The following NTMT1 variants were observed in gnomAD, a reference collection of about 807,000 sequenced individuals.
NTMT1 encodes the protein N-terminal Xaa-Pro-Lys N-methyltransferase 1.
Under a neutral mutation model 17.5 loss-of-function variants are expected in NTMT1, and 8 were observed. The observed-to-expected ratio is 0.46, with a 90% CI of 0.27 to 0.82. NTMT1 has a LOEUF of 0.82. Ranked by LOEUF, NTMT1 falls within the 40% of genes least tolerant of loss-of-function variation. The probability of loss-of-function intolerance (pLI) is 0.15; values close to 1 mark genes in which losing one functional copy is unlikely to be tolerated. For missense variants in NTMT1, 221 were observed against 303.5 expected (o/e 0.73, Z 2.02); for synonymous variants, 128 against 126.8 (o/e 1.01, Z -0.06).
At chr9:129,633,906 T>A in intron 2 of NTMT1, 148 bp from the exon 3 acceptor site, 1 of 814,468 alleles carries the variant, frequency 1.2e-6, no homozygotes, top group South Asian at 1.9e-5. Flanking sequence ...CCGTACAAGC[T>A]GGCAGCCAGC....
At chr9:129,623,793 G>C (rs951595658), upstream of NTMT1, among the ~76,000 whole-genome samples, 1 of 148,184 alleles carries the variant, frequency 6.7e-6, no homozygotes, top group African/African-American at 2.5e-5. Flanking sequence ...CGAAACACCA[G>C]ATTAACTAGA....
chr9:129,613,510 C>T lies in NTMT1; in HGVS notation c.-55+4332C>T, dbSNP rs1165667156. 4.3e-6 allele frequency: 7 copies of T among 1,614,072 alleles called. No homozygotes were observed. The highest frequency in any genetic ancestry group is 4.0e-5 in the African/African-American group (3 of 74,938). ...CCCAGGGTACAGGGCTTTGGGCAAA[C>T]TCTCCAGCCGTTTTCCGACACTCCC... On this transcript the variant is annotated intron_variant, in intron 1 of 3. Coordinates refer to the NTMT1 transcript ENST00000372486. This position sits in a 1 kb window ranked among gnomAD's most constrained non-coding sequence, Gnocchi z 6.2.
chr9:129,615,360 G>T, intron 1 of NTMT1: 1 of 1,061,636 alleles, frequency 9.4e-7, no homozygotes, highest in Non-Finnish European at 1.3e-6. Context: ...ATCCTCTGCA[G>T]GATCACTGAT....
chr9:129,633,000 TGAG>T (rs755061671), intron 2 of NTMT1, 135 bp downstream of exon 2: 47 of 1,021,728 alleles, frequency 4.6e-5, no homozygotes, highest in Non-Finnish European at 6.2e-5. Context: ...CCCAAAGCCT[TGAG>T]GAGCTGGGCT....
In NTMT1 at chr9:129,635,069, C is replaced by G; in HGVS notation, c.416-139C>G. ...TTGGGGTTTAGTAAATCTCTCGGGA[C>G]TGAGAGCCAATGAGGCCATGTGTGC... is the stretch of plus-strand genomic sequence containing the variant. On this transcript the variant is annotated intron_variant, in intron 3 of 3. Transcript: ENST00000372483. 3 of 975,842 alleles carry G rather than the reference C, an allele frequency of 3.1e-6. 1 individual carries two copies. In the South Asian group the frequency reaches 4.7e-5, roughly 15 times the overall value. The allele number at this position is 975,842 out of a possible 1,614,324, so 60.4% of individuals were successfully genotyped here. A position where few individuals can be genotyped will look rare whatever the true frequency, so the allele number is the denominator to read the frequency against.
At position 129,613,686 on chromosome 9, in the gene NTMT1, C is replaced by G. The variant is rs955857765; in HGVS notation, c.-55+4508C>G. 2.0e-6 allele frequency: 3 copies of G among 1,519,186 alleles called. No homozygotes were observed. Among genetic ancestry groups the G allele is most frequent in the Admixed American group, 1.8e-5 (1 of 56,270 alleles). 94.1% of individuals were successfully genotyped at this position (1,519,186 alleles called of 1,614,324 possible). A position where few individuals can be genotyped will look rare whatever the true frequency, so the allele number is the denominator to read the frequency against. ...TTTTCCTCCCTCTGGCAGGCAGGGC[C>G]GGTCAGAGCCCTGTCTCCATGGCAA... On this transcript the variant is annotated intron_variant, in intron 1 of 3. Transcript: ENST00000372486. This position sits in a 1 kb window ranked among gnomAD's most constrained non-coding sequence, Gnocchi z 6.2.
chr9:129,634,442 C>T, intron 3 of NTMT1, 136 bp downstream of exon 3: 1 of 945,226 alleles, frequency 1.1e-6, no homozygotes, highest in Non-Finnish European at 1.5e-6. Flanking sequence ...CCCAGGCCCA[C>T]CCCCACCCCG....
intron 1 of NTMT1, among the ~76,000 whole-genome samples, chr9:129,619,092 A>G (rs1830541534): frequency 6.6e-6 from 1 of 151,936 alleles, no homozygotes; most frequent in Non-Finnish European, 1.5e-5. Flanking sequence ...CACCTGATTC[A>G]TGGGTGGGTG....
At chr9:129,610,072 G>A (rs2118838670) in intron 1 of NTMT1, among the ~76,000 whole-genome samples, 1 of 150,442 alleles carries the variant, frequency 6.6e-6, no homozygotes, top group South Asian at 2.2e-4. Context: ...TGCCGAAAGC[G>A]GCGGGACTGA....
chr9:129,635,138 A>AAGT (rs1415819653), intron 3 of NTMT1, 70 bp from the exon 4 acceptor site: 2 of 1,542,488 alleles, frequency 1.3e-6, no homozygotes, highest in Non-Finnish European at 1.7e-6. Context: ...CGGGGCTGAG[A>AAGT]AGTACATCCC....
At chr9:129,622,350 A>G (rs1830759193), upstream of NTMT1, among the ~76,000 whole-genome samples, 1 of 152,108 alleles carries the variant, frequency 6.6e-6, no homozygotes. Context: ...AAAATTTGCC[A>G]TGCATGGTGT....
In NTMT1 at chr9:129,613,356, G is replaced by A. The variant is rs899175312; in HGVS notation, c.-55+4178G>A. On this transcript the variant is annotated intron_variant, in intron 1 of 3. Coordinates refer to the NTMT1 transcript ENST00000372486. The surrounding 1 kb of genome is among the most constrained non-coding windows in gnomAD (Gnocchi z 6.2). The stretch of plus-strand genomic sequence containing the variant: ...CACACTGGCAACCCGCCTGCTGCTG[G>A]GTGGGGAGGTCTGTAGGCAAGGGGG... The A allele has an allele frequency of 1.3e-6, 2 of 1,578,218 alleles. No individual in the cohort carries two copies. Among genetic ancestry groups the A allele is most frequent in the Non-Finnish European group, 8.6e-7 (1 of 1,160,134 alleles).
chr9:129,635,493 CCA>C lies in NTMT1; in HGVS notation c.*32_*33del. 1 of 1,594,094 alleles carries C rather than the reference CCA, an allele frequency of 6.3e-7. No homozygotes were observed. Among genetic ancestry groups the C allele is most frequent in the Non-Finnish European group, 8.6e-7 (1 of 1,167,844 alleles). On this transcript the variant is annotated 3_prime_UTR_variant, in exon 4 of 4. Transcript: ENST00000372483. Reference sequence around the variant, plus strand: ...GGGGCTGGCAGGAGAAACTGAGGAACCACAGTCCTGGTGGGGGGAGCTGGCAG... The same window carrying C: ...GGGGCTGGCAGGAGAAACTGAGGAACCAGTCCTGGTGGGGGGAGCTGGCAG...
intron 1 of NTMT1, among the ~76,000 whole-genome samples, chr9:129,630,267 G>A (rs1485233786): frequency 6.6e-6 from 1 of 152,182 alleles, no homozygotes; most frequent in Non-Finnish European, 1.5e-5. Flanking sequence ...GCAGCCAGGT[G>A]TTTGAGACCA....
Position 129,634,166 on chromosome 9 carries a change from T to C in NTMT1, c.275T>C (p.Ile92Thr). ...PLFREVDMVD[I>T]TEDFLVQAKT... is the part of the protein sequence containing the mutation. ...TTCAGAGAGGTGGATATGGTCGACATAACGGAGGACTTCCTGGTTCAAGCC... is the reference window on the plus strand; with the variant it reads ...TTCAGAGAGGTGGATATGGTCGACACAACGGAGGACTTCCTGGTTCAAGCC... The change falls in exon 3 of 4, where the codon ATA becomes ACA. Residue 92 changes from isoleucine (I) to threonine (T), a missense_variant. Ile to Thr is a moderately conservative substitution (Grantham distance 89). Coordinates refer to ENST00000372483, the MANE Select transcript of NTMT1 (RefSeq NM_014064.4). 3.1e-6 allele frequency: 5 copies of C among 1,614,118 alleles called. No individual in the cohort carries two copies. Among genetic ancestry groups the C allele is most frequent in the Non-Finnish European group, 4.2e-6 (5 of 1,180,006 alleles).
In NTMT1 at chr9:129,634,097, G is replaced by A; in HGVS notation, c.206G>A (p.Gly69Glu). The change falls in exon 3 of 4, where the codon GGA becomes GAA. Residue 69 changes from glycine to glutamate, a missense_variant. Coordinates refer to ENST00000372483, the MANE Select transcript of NTMT1 (RefSeq NM_014064.4). Reference protein sequence around the residue: ...KTGTSCALDCGAGIGRITKRL... With the variant: ...KTGTSCALDCEAGIGRITKRL... The stretch of plus-strand genomic sequence containing the variant: ...GGAACGTCCTGTGCCCTGGACTGTG[G>A]AGCTGGCATTGGGAGGATCACCAAG... 1 of 1,614,192 alleles carries A rather than the reference G, an allele frequency of 6.2e-7. No individual in the cohort carries two copies. The highest frequency in any genetic ancestry group is 8.5e-7 in the Non-Finnish European group (1 of 1,180,038).
intron 1 of NTMT1, among the ~76,000 whole-genome samples, chr9:129,631,129 T>C (rs1019450967): frequency 2.6e-5 from 4 of 152,242 alleles, no homozygotes; most frequent in Non-Finnish European, 2.9e-5. Flanking sequence ...CAGCACTCCC[T>C]GTGCTTGGCT....
At position 129,634,998 on chromosome 9, in the gene NTMT1, G is replaced by A. The variant is rs1831444095; in HGVS notation, c.416-210G>A. ...GTCAAGTCAAATTCTGGCTTAATGT[G>A]TCTTTAGGTAGATGACCTCTGAGCC... On this transcript the variant is annotated intron_variant, in intron 3 of 3. Transcript: ENST00000372483. 4.9e-6 allele frequency: 3 copies of A among 607,436 alleles called. No homozygotes were observed. The Admixed American group carries it at 9.1e-5, about 18-fold the overall frequency. 37.6% of individuals were successfully genotyped at this position (607,436 alleles called of 1,614,324 possible). A position where few individuals can be genotyped will look rare whatever the true frequency, so the allele number is the denominator to read the frequency against.
intron 2 of NTMT1, among the ~76,000 whole-genome samples, 179 bp from the exon 3 acceptor site, chr9:129,633,874 TC>T (rs1468758465): frequency 6.6e-6 from 1 of 152,116 alleles, no homozygotes; most frequent in Non-Finnish European, 1.5e-5. Context: ...CAGTGTGTCC[TC>T]CCATGCTCAT....
Sources: gnomAD v4.1 joint callset for allele counts (sites outside exome capture counted in the v4.1 genomes callset) on GRCh38, gnomAD v4.1.1 for gene constraint, Gnocchi (gnomAD v3.1) non-coding constraint, MANE v1.5 for transcripts, NCBI Gene and HGNC (gene_info 2026-07-23, HGNC 2026-07-21) for gene names.